Variants in TET1 observed in about 807,000 individuals in gnomAD.
TET1 encodes methylcytosine dioxygenase TET1.
TET1 carries 13 observed loss-of-function variants against 148.7 expected under a neutral mutation model. The observed-to-expected ratio is 0.09, with a 90% CI of 0.06 to 0.14. The LOEUF (loss-of-function observed/expected upper bound fraction) is 0.14, where lower values mean the gene tolerates loss of function less well. Among genes scored for constraint, TET1 ranks in the 10% least tolerant of loss-of-function variants. TET1 has a pLI of 1.00. For synonymous variants in TET1, 907 were observed against 937.2 expected, an observed-to-expected ratio of 0.97 and a Z score of 0.59; for missense variants, 2,182 against 2,553.8, an observed-to-expected ratio of 0.85 and a Z score of 3.14.
intron 6 of TET1, among the ~76,000 whole-genome samples, chr10:68,658,878 CA>C (rs201600386): frequency 4.0e-5 from 6 of 149,768 alleles, no homozygotes; most frequent in African/African-American, 9.8e-5. Flanking sequence ...AAGAAAAAAA[CA>C]AAAAAAAATA....
intron 1 of TET1, among the ~76,000 whole-genome samples, chr10:68,560,955 C>G (rs2053545259): frequency 6.6e-6 from 1 of 152,186 alleles, no homozygotes; most frequent in Non-Finnish European, 1.5e-5. Flanking sequence ...CGGAGATAAA[C>G]AATGCCCCCG....
intron 3 of TET1, among the ~76,000 whole-genome samples, chr10:68,640,916 G>A (rs1031336334): frequency 6.6e-6 from 1 of 151,044 alleles, no homozygotes; most frequent in Non-Finnish European, 1.5e-5. Flanking sequence ...ATATTTATAT[G>A]ATTTTTATGT....
chr10:68,656,764 G>A (rs928705667), intron 6 of TET1, among the ~76,000 whole-genome samples: 5 of 152,128 alleles, frequency 3.3e-5, no homozygotes, highest in African/African-American at 1.2e-4. Flanking sequence ...GGTGGCTCAC[G>A]CCTGTAATCC....
At chr10:68,578,242 A>AATTTTATTTT (rs546114291) in intron 2 of TET1, among the ~76,000 whole-genome samples, 2 of 151,982 alleles carry the variant, frequency 1.3e-5, no homozygotes, top group Non-Finnish European at 2.9e-5. Context: ...TCTACACCAA[A>AATTTTATTTT]ATTTTATTTT....
rs558214411 is a variant in TET1 at position 68,652,290 on chromosome 10, A to T, written c.4368-211A>T. On this transcript the variant is annotated intron_variant, in intron 5 of 11. Coordinates refer to ENST00000373644, the MANE Select transcript of TET1 (RefSeq NM_030625.3). Reference sequence around the variant, plus strand: ...CACTCAGCCTATTTTTTAAAGAGTGATCTTTGAGGATAAGTGAGTAGGACT... The same window carrying T: ...CACTCAGCCTATTTTTTAAAGAGTGTTCTTTGAGGATAAGTGAGTAGGACT... Among the ~76,000 whole-genome samples, 130 of 152,304 alleles carry T rather than the reference A, an allele frequency of 8.5e-4. 1 individual carries two copies. The highest frequency in any genetic ancestry group is 3.0e-3 in the African/African-American group (126 of 41,570).
At chr10:68,615,335 G>A (rs1315561286) in intron 3 of TET1, among the ~76,000 whole-genome samples, 1 of 146,134 alleles carries the variant, frequency 6.8e-6, no homozygotes, top group Non-Finnish European at 1.5e-5. Context: ...GTAAGTTTCA[G>A]AATGGTGTTT....
At chr10:68,576,192 A>C (rs1449042914) in intron 2 of TET1, among the ~76,000 whole-genome samples, 1 of 151,960 alleles carries the variant, frequency 6.6e-6, no homozygotes, top group Non-Finnish European at 1.5e-5. Flanking sequence ...CTCTACTAAC[A>C]ATACAAAAAT....
intron 6 of TET1, among the ~76,000 whole-genome samples, chr10:68,660,262 T>G (rs954608856): frequency 6.6e-6 from 1 of 152,194 alleles, no homozygotes; most frequent in African/African-American, 2.4e-5. Flanking sequence ...AAATTATAAT[T>G]TACAGCTTGG....
At chr10:68,604,568 G>T (rs970119794) in intron 3 of TET1, among the ~76,000 whole-genome samples, 3 of 152,166 alleles carry the variant, frequency 2.0e-5, no homozygotes, top group Non-Finnish European at 4.4e-5. Context: ...GTGGGTGTGG[G>T]ATAAATGCCC....
At chr10:68,632,477 A>G in intron 3 of TET1, 14 of 1,612,764 alleles carry the variant, frequency 8.7e-6, no homozygotes, top group Non-Finnish European at 1.2e-5. Context: ...TCAATATTGT[A>G]TGGTTCATTA....
chr10:68,664,344 A>G (rs2055164824), intron 6 of TET1, among the ~76,000 whole-genome samples: 1 of 152,110 alleles, frequency 6.6e-6, no homozygotes, highest in African/African-American at 2.4e-5. Context: ...ATGTGTATAT[A>G]TATATCATGT....
chr10:68,598,983 G>T (rs1170367385), intron 2 of TET1, among the ~76,000 whole-genome samples: 1 of 152,074 alleles, frequency 6.6e-6, no homozygotes, highest in Non-Finnish European at 1.5e-5. Flanking sequence ...CACTGTGCCC[G>T]GCCAATAGTT....
In TET1 at chr10:68,623,166, A is replaced by C. The variant is rs144494635; in HGVS notation, c.1969-21532A>C. On this transcript the variant is annotated intron_variant, in intron 3 of 11. Transcript: ENST00000373644. Reference sequence around the variant, plus strand: ...CGTATTTAGCATCTACTTTGCCTCCAATACATATTAATGTGGTGTTTGCCA... The same window carrying C: ...CGTATTTAGCATCTACTTTGCCTCCCATACATATTAATGTGGTGTTTGCCA... Among the ~76,000 whole-genome samples the C allele has an allele frequency of 3.9e-5, 6 of 152,260 alleles. No individual in the cohort carries two copies. The South Asian group carries it at 1.0e-3, about 26-fold the overall frequency.
In TET1 at chr10:68,646,682, A is replaced by T. The variant is rs2054854553; in HGVS notation, c.3953A>T (p.Gln1318Leu). The T allele has an allele frequency of 1.2e-6, 2 of 1,614,010 alleles. No homozygotes were observed. Among genetic ancestry groups the T allele is most frequent in the East Asian group, 2.2e-5 (1 of 44,888 alleles). ...QCANVMAGDD[Q>L]IRFQQVVKEQ... ...GCTAACGTGATGGCAGGCGATGACC[A>T]AATACGGTTTCAGCAGGTTGTTAAG... The change falls in exon 4 of 12, where the codon CAA (glutamine) becomes CTA (leucine). Residue 1318 changes from glutamine (Q) to leucine (L), a missense_variant. Physicochemically the swap from Gln to Leu is moderately radical, Grantham distance 113. Coordinates refer to ENST00000373644, the MANE Select transcript of TET1 (RefSeq NM_030625.3).
chr10:68,644,369 AT>A lies in TET1; in HGVS notation c.1969-321del, dbSNP rs551315645. 3.8e-3 allele frequency among the ~76,000 whole-genome samples: 576 copies of A among 151,610 alleles called. 2 individuals carry two copies. The highest frequency in any genetic ancestry group is 0.013 in the African/African-American group (517 of 41,354). Reference sequence around the variant, plus strand: ...AGGTGTGCATCACCACACCTGACTAATTTTTTTTGTATTTTTGGTAGAGACT... The same window carrying A: ...AGGTGTGCATCACCACACCTGACTAATTTTTTTGTATTTTTGGTAGAGACT... On this transcript the variant is annotated intron_variant, in intron 3 of 11. Coordinates refer to ENST00000373644, the MANE Select transcript of TET1 (RefSeq NM_030625.3).
At chr10:68,632,253 C>A in intron 3 of TET1, 1 of 815,804 alleles carries the variant, frequency 1.2e-6, no homozygotes, top group Non-Finnish European at 1.9e-6. Context: ...ACCCGGGAGG[C>A]GGAGCTTGCA....
chr10:68,569,166 C>CTTTTTTTTTTTTTTTTT lies in TET1; in HGVS notation c.-122-3043_-122-3027dup, dbSNP rs34385747. 8.0e-4 allele frequency among the ~76,000 whole-genome samples: 56 copies of CTTTTTTTTTTTTTTTTT among 69,778 alleles called. 5 individuals carry two copies. Among genetic ancestry groups the CTTTTTTTTTTTTTTTTT allele is most frequent in the South Asian group, 1.1e-3 (2 of 1,756 alleles). 45.8% of individuals were successfully genotyped at this position (69,778 alleles called of 152,430 possible). A position where few individuals can be genotyped will look rare whatever the true frequency, so the allele number is the denominator to read the frequency against. On this transcript the variant is annotated intron_variant, in intron 1 of 11. Coordinates refer to ENST00000373644, the MANE Select transcript of TET1 (RefSeq NM_030625.3). ...GCTGGATCTCCAGGCAGGAGAGTTTCTTTTTTTTTTTTTTTTTTTTTTTTG... is the reference window on the plus strand; with the variant it reads ...GCTGGATCTCCAGGCAGGAGAGTTTCTTTTTTTTTTTTTTTTTTTTTTTTTTTTTTTTTTTTTTTTTG...
intron 3 of TET1, among the ~76,000 whole-genome samples, chr10:68,638,167 C>T (rs1225266171): frequency 7.9e-5 from 12 of 152,110 alleles, no homozygotes; most frequent in Non-Finnish European, 1.8e-4. Context: ...CAGGGCCTGA[C>T]CTCTATACTT....
chr10:68,624,680 CTCTCTCTCTCTCTCTCTT>C (rs1453305071), intron 3 of TET1, among the ~76,000 whole-genome samples: 39 of 128,462 alleles, frequency 3.0e-4, no homozygotes, highest in South Asian at 5.2e-4. Context: ...CTCTCTCTCT[CTCTCTCTCTCTCTCTCTT>C]TCTTTCTTTT....
Sources: gnomAD v4.1 joint callset for allele counts (sites outside exome capture counted in the v4.1 genomes callset) on GRCh38, gnomAD v4.1.1 for gene constraint, MANE v1.5 for transcripts, NCBI Gene and HGNC (gene_info 2026-07-23, HGNC 2026-07-21) for gene names.